Variants in TXNRD2 observed in about 807,000 individuals in gnomAD.
TXNRD2 encodes thioredoxin reductase 2, mitochondrial.
TXNRD2 carries 67 observed loss-of-function variants against 70.8 expected under a neutral mutation model. That is an observed-to-expected ratio of 0.95 (90% CI 0.78 to 1.16). The LOEUF is 1.16. Ranked by LOEUF, TXNRD2 falls within the 50% of genes most tolerant of loss-of-function variation. The probability of loss-of-function intolerance (pLI) is 0.00; values close to 1 mark genes in which losing one functional copy is unlikely to be tolerated. For synonymous variants in TXNRD2, 301 were observed against 295.8 expected (o/e 1.02, Z -0.18); for missense variants, 644 against 719.9 (o/e 0.89, Z 1.21).
At chr22:19,926,034 A>T (rs1277096940) in intron 2 of TXNRD2, among the ~76,000 whole-genome samples, 5 of 151,742 alleles carry the variant, frequency 3.3e-5, no homozygotes, top group Non-Finnish European at 7.4e-5. Flanking sequence ...GTGGTGGTGC[A>T]TGCCTGTAAT....
chr22:19,880,765 T>G, intron 12 of TXNRD2, 48 bp from the exon 13 acceptor site: 4 of 1,392,420 alleles, frequency 2.9e-6, no homozygotes, highest in South Asian at 1.2e-5. Flanking sequence ...TCCGGGGTTA[T>G]ATGCAGCCCC....
At chr22:19,909,061 C>T (rs1475639180) in intron 8 of TXNRD2, among the ~76,000 whole-genome samples, 4 of 151,810 alleles carry the variant, frequency 2.6e-5, no homozygotes, top group East Asian at 3.9e-4. Context: ...AAAAAATTAG[C>T]GGGGTGTGGT....
chr22:19,940,095 A>G (rs1183743636), intron 1 of TXNRD2, among the ~76,000 whole-genome samples: 1 of 152,034 alleles, frequency 6.6e-6, no homozygotes, highest in African/African-American at 2.4e-5. Context: ...TACAAAAAAA[A>G]TTAGCCAGGC....
chr22:19,909,889 ACACACACACACACCACACACC>A (rs1940310634), intron 8 of TXNRD2, among the ~76,000 whole-genome samples: 3 of 40,006 alleles, frequency 7.5e-5, no homozygotes, highest in African/African-American at 6.4e-4. Flanking sequence ...CACACCACTC[ACACACACACACACCACACACC>A]CACACCCTTC....
intron 2 of TXNRD2, among the ~76,000 whole-genome samples, chr22:19,923,513 G>A (rs1261108059): frequency 1.3e-5 from 2 of 152,178 alleles, no homozygotes; most frequent in African/African-American, 4.8e-5. Flanking sequence ...CAGACTGGGC[G>A]TGGTAACTGA....
At chr22:19,929,830 G>A (rs1164922910) in intron 2 of TXNRD2, among the ~76,000 whole-genome samples, 1 of 152,098 alleles carries the variant, frequency 6.6e-6, no homozygotes, top group African/African-American at 2.4e-5. Context: ...GAATGATCAG[G>A]TTGCCCATTT....
At chr22:19,877,012 T>C (rs1938536557) in intron 17 of TXNRD2, 28 bp downstream of exon 17, 1 of 1,471,346 alleles carries the variant, frequency 6.8e-7, no homozygotes, top group Non-Finnish European at 9.1e-7. Flanking sequence ...TGCCCTGTCC[T>C]CAAACAGAGC....
intron 11 of TXNRD2, among the ~76,000 whole-genome samples, chr22:19,885,565 G>C (rs1163688702): frequency 6.6e-6 from 1 of 152,242 alleles, no homozygotes; most frequent in Admixed American, 6.5e-5. Flanking sequence ...GCCCACATCA[G>C]AGGAAGGAGC....
At chr22:19,878,623 A>ACGTG (rs1364620001) in intron 14 of TXNRD2, among the ~76,000 whole-genome samples, 186 bp from the exon 15 acceptor site, 1 of 152,150 alleles carries the variant, frequency 6.6e-6, no homozygotes, top group Non-Finnish European at 1.5e-5. Flanking sequence ...AGGCCCTCTC[A>ACGTG]CGTGCAGGCA....
chr22:19,915,439 T>A (rs1322113988), intron 6 of TXNRD2, among the ~76,000 whole-genome samples, 163 bp from the exon 7 acceptor site: 1 of 152,114 alleles, frequency 6.6e-6, no homozygotes, highest in Admixed American at 6.5e-5. Flanking sequence ...TGGAATCCCA[T>A]CAACCATCAG....
At chr22:19,879,463 CT>C (rs1414649455) in intron 14 of TXNRD2, among the ~76,000 whole-genome samples, 2 of 149,390 alleles carry the variant, frequency 1.3e-5, no homozygotes, top group Non-Finnish European at 3.0e-5. Context: ...CCAAAGCAGG[CT>C]TGCTCGATGA....
At chr22:19,886,655 G>A (rs918157428) in intron 11 of TXNRD2, among the ~76,000 whole-genome samples, 5 of 152,246 alleles carry the variant, frequency 3.3e-5, no homozygotes, top group Non-Finnish European at 2.9e-5. Flanking sequence ...AAGGGTGCCT[G>A]CACCGGTGTC....
chr22:19,921,026 G>A (rs375910666), intron 2 of TXNRD2, among the ~76,000 whole-genome samples: 2 of 143,012 alleles, frequency 1.4e-5, no homozygotes, highest in African/African-American at 5.9e-5. Context: ...AGAACGGTGT[G>A]AACCCAGGAA....
intron 8 of TXNRD2, among the ~76,000 whole-genome samples, chr22:19,901,202 A>T (rs1028828509): frequency 6.6e-6 from 1 of 152,156 alleles, no homozygotes; most frequent in Non-Finnish European, 1.5e-5. Flanking sequence ...CCTGGATTGG[A>T]GCGGGGGCAG....
chr22:19,909,858 A>C (rs1940297575), intron 8 of TXNRD2, among the ~76,000 whole-genome samples: 1 of 27,924 alleles, frequency 3.6e-5, no homozygotes, highest in Non-Finnish European at 5.7e-5. Context: ...TCACACACAC[A>C]CCACACACAC....
chr22:19,887,294 C>T (rs540031215), intron 11 of TXNRD2: 15 of 152,324 alleles, frequency 9.8e-5, no homozygotes, highest in Non-Finnish European at 2.1e-4. Flanking sequence ...CAGTCGTGGG[C>T]CACGGGATTC....
intron 7 of TXNRD2, 171 bp downstream of exon 7, chr22:19,915,043 T>C: frequency 7.3e-6 from 5 of 688,348 alleles, no homozygotes. Context: ...GACCCCACAT[T>C]TCAGCAGTGT....
chr22:19,907,217 G>GCA (rs1601430235), intron 8 of TXNRD2, among the ~76,000 whole-genome samples: 38 of 57,800 alleles, frequency 6.6e-4, no homozygotes, highest in East Asian at 9.8e-4. Flanking sequence ...GAGTGTGGGC[G>GCA]CCGTGAGTAG....
At chr22:19,894,988 A>C in intron 11 of TXNRD2, 1 of 1,473,328 alleles carries the variant, frequency 6.8e-7, no homozygotes, top group Non-Finnish European at 8.9e-7. Context: ...AAAAAAAAAG[A>C]AAAGAAACAT....
Sources: gnomAD v4.1 joint callset for allele counts (sites outside exome capture counted in the v4.1 genomes callset) on GRCh38, gnomAD v4.1.1 for gene constraint, MANE v1.5 for transcripts, NCBI Gene and HGNC (gene_info 2026-07-23, HGNC 2026-07-21) for gene names.